The following GLI2 variants were observed in gnomAD, a reference collection of about 807,000 sequenced individuals.
GLI2 encodes transcription activator GLI2.
A neutral mutation model predicts 78.9 loss-of-function variants in GLI2; 22 were observed. The ratio of observed to expected loss-of-function variants is 0.28; its 90% CI spans 0.20 to 0.40. GLI2 has a LOEUF of 0.40. Among genes scored for constraint, GLI2 ranks in the 10% least tolerant of loss-of-function variants. The pLI, the probability that GLI2 is intolerant of heterozygous loss-of-function variation, is 1.00. For synonymous variants in GLI2, 974 were observed against 963.7 expected, an observed-to-expected ratio of 1.01 and a Z score of -0.20; for missense variants, 2,097 against 2,213.2, an observed-to-expected ratio of 0.95 and a Z score of 1.05.
chr2:120,820,923 C>T (rs1429977863), intron 2 of GLI2, among the ~76,000 whole-genome samples: 1 of 152,076 alleles, frequency 6.6e-6, no homozygotes, highest in Non-Finnish European at 1.5e-5. Context: ...CATGTTTTCT[C>T]ATCTGTCTGT....
rs755175852 is a variant in GLI2 at position 120,931,027 on chromosome 2, AC to A, written c.254+3562del. Among the ~76,000 whole-genome samples, 31 of 152,370 alleles carry A rather than the reference AC, an allele frequency of 2.0e-4. 1 individual carries two copies. The highest frequency in any genetic ancestry group is 9.1e-4 in the Admixed American group (14 of 15,308). ...GAAATGGCCTTGTCCCTCATGGCCT[AC>A]ACAGCTCCTTCACTGGTTGGATTCC... On this transcript the variant is annotated intron_variant, in intron 3 of 13. Transcript: ENST00000361492.
At chr2:120,963,221 A>G (rs963431227) in intron 5 of GLI2, among the ~76,000 whole-genome samples, 6 of 152,192 alleles carry the variant, frequency 3.9e-5, no homozygotes, top group African/African-American at 1.4e-4. Flanking sequence ...AGCCACATTC[A>G]TTAGCAATTT....
chr2:120,951,584 C>T (rs1343243146), intron 4 of GLI2, 139 bp downstream of exon 4: 14 of 609,306 alleles, frequency 2.3e-5, no homozygotes, highest in Non-Finnish European at 4.1e-5. Flanking sequence ...TTCCTTCACA[C>T]TACTTCCAAA....
Position 120,951,371 on chromosome 2 carries a change from A to G in GLI2, c.383A>G (p.His128Arg). 1 of 1,611,200 alleles carries G rather than the reference A, an allele frequency of 6.2e-7. No individual in the cohort carries two copies. Among genetic ancestry groups the G allele is most frequent in the South Asian group, 1.1e-5 (1 of 91,034 alleles). Residue 128 changes from histidine (H) to arginine (R), a missense_variant, in exon 4 of 14, where the codon CAC (histidine) becomes CGC (arginine). By Grantham distance (29) the His-to-Arg change is conservative. Transcript: ENST00000361492. Reference sequence around the variant, plus strand: ...CCGTACGTGAACCCCCACATGGAGCACTACCTCCGTTCTGTGCACAGCAGC... The same window carrying G: ...CCGTACGTGAACCCCCACATGGAGCGCTACCTCCGTTCTGTGCACAGCAGC... ...PHPYVNPHME[H>R]YLRSVHSSPT...
At position 120,848,134 on chromosome 2, in the gene GLI2, C is replaced by T. The variant is rs956496121; in HGVS notation, c.148+50666C>T. ...TCCGGCCCCCGCAGACCGCGCAGCG[C>T]GCACCTGAGCAAGCACTTTGAATGC... On this transcript the variant is annotated intron_variant, in intron 2 of 13. Coordinates refer to ENST00000361492, the MANE Select transcript of GLI2 (RefSeq NM_001374353.1). Among the ~76,000 whole-genome samples the T allele has an allele frequency of 2.6e-5, 4 of 152,292 alleles. 1 individual carries two copies. The South Asian group carries it at 6.2e-4, about 24-fold the overall frequency.
chr2:120,820,286 C>T (rs565693367), intron 2 of GLI2, among the ~76,000 whole-genome samples: 1 of 152,192 alleles, frequency 6.6e-6, no homozygotes, highest in Non-Finnish European at 1.5e-5. Context: ...GCTTTCTTGC[C>T]GAGTCTAAAC....
At chr2:120,863,995 G>C (rs973100440) in intron 2 of GLI2, among the ~76,000 whole-genome samples, 5 of 152,274 alleles carry the variant, frequency 3.3e-5, no homozygotes, top group South Asian at 2.1e-4. Flanking sequence ...ACTTGTGTGT[G>C]GAGGGCGGCT....
chr2:120,879,247 C>T (rs1367224030), intron 2 of GLI2, among the ~76,000 whole-genome samples: 1 of 152,146 alleles, frequency 6.6e-6, no homozygotes, highest in African/African-American at 2.4e-5. Flanking sequence ...GACTTGTTCC[C>T]AGGACAATGG....
Position 120,990,059 on chromosome 2 carries a change from G to T in GLI2, c.4094G>T (p.Arg1365Leu). ...CCCCTCGAGCCCAGCCCCACTGGCC[G>T]CCACCGTGGGGTACGTGCTGTGCAG... ...RPPLEPSPTG[R>L]HRGVRAVQQQ... Residue 1365 changes from arginine (R) to leucine (L), a missense_variant, in exon 14 of 14, where the codon CGC becomes CTC. By Grantham distance (102) the Arg-to-Leu change is moderately radical. This residue lies in a region of GLI2 where 1,290 missense variants were observed against 1,261.7 expected (regional missense o/e 1.02). Coordinates refer to ENST00000361492, the MANE Select transcript of GLI2 (RefSeq NM_001374353.1). 6.2e-7 allele frequency: 1 copy of T among 1,600,472 alleles called. No homozygotes were observed.
chr2:120,982,660 G>A (rs549876383), intron 10 of GLI2, 56 bp from the exon 11 acceptor site: 67 of 1,513,132 alleles, frequency 4.4e-5, no homozygotes, highest in South Asian at 6.0e-5. Flanking sequence ...AGCAGCAGCC[G>A]GCCTCAAGGT....
intron 1 of GLI2, among the ~76,000 whole-genome samples, chr2:120,764,900 CTT>C (rs1347790325): frequency 2.0e-5 from 3 of 152,204 alleles, no homozygotes; most frequent in African/African-American, 4.8e-5. Context: ...GCTCTAGTGT[CTT>C]TGTGTTAGCT....
intron 3 of GLI2, among the ~76,000 whole-genome samples, chr2:120,942,223 A>G (rs563005393): frequency 3.3e-5 from 5 of 152,254 alleles, no homozygotes; most frequent in African/African-American, 1.2e-4. Flanking sequence ...GCTTCAAACA[A>G]TAGAAATATG....
intron 2 of GLI2, among the ~76,000 whole-genome samples, chr2:120,916,408 A>G (rs1679099730): frequency 6.6e-6 from 1 of 152,216 alleles, no homozygotes. Flanking sequence ...AGAGCCTGCC[A>G]TCCTCCCCCT....
chr2:120,817,028 A>G lies in GLI2; in HGVS notation c.148+19560A>G, dbSNP rs4436961. On this transcript the variant is annotated intron_variant, in intron 2 of 13. Coordinates refer to ENST00000361492, the MANE Select transcript of GLI2 (RefSeq NM_001374353.1). ...CGTGCATCAGTCATTCAGAATTAGA[A>G]GCCCACATCTTCCAAATTAGAAGTC... is the stretch of plus-strand genomic sequence containing the variant. Among the ~76,000 whole-genome samples, 1,245 of 152,354 alleles carry G rather than the reference A, an allele frequency of 8.2e-3. 17 individuals are homozygous for G. The highest frequency in any genetic ancestry group is 0.028 in the African/African-American group (1,151 of 41,576).
intron 2 of GLI2, among the ~76,000 whole-genome samples, chr2:120,851,929 G>A (rs920828496): frequency 1.3e-4 from 20 of 152,210 alleles, no homozygotes; most frequent in Admixed American, 1.0e-3. Flanking sequence ...CTTAGATAGC[G>A]TGAGCCTTAG....
chr2:120,923,704 A>T (rs1679517330), intron 2 of GLI2, among the ~76,000 whole-genome samples: 1 of 152,090 alleles, frequency 6.6e-6, no homozygotes, highest in South Asian at 2.1e-4. Context: ...AAAGACACAC[A>T]CGTACTACAA....
At chr2:120,863,833 C>G (rs993886771) in intron 2 of GLI2, among the ~76,000 whole-genome samples, 1 of 152,144 alleles carries the variant, frequency 6.6e-6, no homozygotes, top group Admixed American at 6.5e-5. Flanking sequence ...AGGGCGAGGC[C>G]GAGGCAGCCC....
chr2:120,774,791 CCTG>C (rs35845284), intron 1 of GLI2, among the ~76,000 whole-genome samples: 23,066 of 152,126 alleles, frequency 0.15, 1,795 homozygotes, highest in Middle Eastern at 0.21. Flanking sequence ...GCTTGCCAGC[CCTG>C]CTGCATGACT....
At chr2:120,964,020 G>T (rs550103004) in intron 5 of GLI2, among the ~76,000 whole-genome samples, 17 of 152,170 alleles carry the variant, frequency 1.1e-4, no homozygotes, top group African/African-American at 4.1e-4. Flanking sequence ...ACCTGTATTC[G>T]AGTGTTGGGG....
Sources: gnomAD v4.1 joint callset for allele counts (sites outside exome capture counted in the v4.1 genomes callset) on GRCh38, gnomAD v4.1.1 for gene constraint, gnomAD v4.1.1 regional missense constraint, MANE v1.5 for transcripts, NCBI Gene and HGNC (gene_info 2026-07-23, HGNC 2026-07-21) for gene names.